The following FSTL5 variants were observed in gnomAD, a reference collection of about 807,000 sequenced individuals.
FSTL5 encodes the protein follistatin-related protein 5.
A neutral mutation model predicts 89.1 loss-of-function variants in FSTL5; 62 were observed. That is an observed-to-expected ratio of 0.70 (90% CI 0.57 to 0.86). FSTL5 has a LOEUF of 0.86. Among genes scored for constraint, FSTL5 ranks in the 40% least tolerant of loss-of-function variants. FSTL5 has a pLI of 0.00. For missense variants in FSTL5, 1,057 were observed against 1,001.6 expected (o/e 1.06, Z -0.75); for synonymous variants, 383 against 346.2 (o/e 1.11, Z -1.18).
intron 6 of FSTL5, among the ~76,000 whole-genome samples, chr4:161,671,738 A>G (rs1737122114): frequency 6.6e-6 from 1 of 152,140 alleles, no homozygotes; most frequent in Non-Finnish European, 1.5e-5. Flanking sequence ...ATGAATTTCT[A>G]CAACTGTAAC....
At chr4:161,536,145 A>G (rs1303779660) in intron 10 of FSTL5, among the ~76,000 whole-genome samples, 1 of 152,144 alleles carries the variant, frequency 6.6e-6, no homozygotes, top group Non-Finnish European at 1.5e-5. Flanking sequence ...TACTATGCTC[A>G]CTACCTGGAT....
chr4:161,962,263 T>C (rs190234301), intron 3 of FSTL5, among the ~76,000 whole-genome samples: 111 of 152,092 alleles, frequency 7.3e-4, no homozygotes, highest in African/African-American at 2.6e-3. Flanking sequence ...ATTAGTAAGA[T>C]TGTCAGTGCT....
At chr4:161,639,621 T>G (rs1367831547) in intron 7 of FSTL5, among the ~76,000 whole-genome samples, 4 of 152,170 alleles carry the variant, frequency 2.6e-5, no homozygotes. Flanking sequence ...GATGGAACTG[T>G]TTTTAAATTC....
intron 2 of FSTL5, among the ~76,000 whole-genome samples, chr4:162,065,913 T>G (rs971638708): frequency 7.2e-5 from 11 of 151,940 alleles, no homozygotes; most frequent in Non-Finnish European, 1.2e-4. Context: ...TAATCCAACT[T>G]TTAAAAAAAG....
intron 4 of FSTL5, among the ~76,000 whole-genome samples, chr4:161,862,071 T>A (rs1309131706): frequency 6.6e-6 from 1 of 152,194 alleles, no homozygotes; most frequent in Non-Finnish European, 1.5e-5. Context: ...TACTTGCAAT[T>A]TAATAAACCG....
At chr4:162,051,947 A>C (rs1020427021) in intron 2 of FSTL5, among the ~76,000 whole-genome samples, 2 of 151,660 alleles carry the variant, frequency 1.3e-5, no homozygotes, top group African/African-American at 4.8e-5. Flanking sequence ...AAAAACAAGA[A>C]GGAAATAGGG....
intron 7 of FSTL5, among the ~76,000 whole-genome samples, chr4:161,602,138 T>C (rs575765198): frequency 3.3e-5 from 5 of 150,714 alleles, no homozygotes; most frequent in African/African-American, 1.2e-4. Context: ...AAAAAAGTGT[T>C]GAAGGACATG....
intron 7 of FSTL5, among the ~76,000 whole-genome samples, chr4:161,638,156 G>A (rs1423264591): frequency 4.6e-5 from 7 of 151,052 alleles, no homozygotes; most frequent in Non-Finnish European, 1.5e-5. Context: ...GTGGTTTGTA[G>A]TTCTCCTTGA....
At chr4:161,681,161 A>G (rs1737505273) in intron 6 of FSTL5, among the ~76,000 whole-genome samples, 1 of 152,076 alleles carries the variant, frequency 6.6e-6, no homozygotes, top group Admixed American at 6.6e-5. Context: ...TGTGATTTGA[A>G]TATAATCTTA....
chr4:161,877,805 G>A (rs1030980579), intron 4 of FSTL5, among the ~76,000 whole-genome samples: 1 of 151,866 alleles, frequency 6.6e-6, no homozygotes, highest in Admixed American at 6.6e-5. Context: ...CAGCCTGGGC[G>A]ACAGAGCGAG....
intron 10 of FSTL5, among the ~76,000 whole-genome samples, chr4:161,522,286 C>T (rs1731061931): frequency 6.6e-6 from 1 of 152,100 alleles, no homozygotes; most frequent in Admixed American, 6.5e-5. Context: ...AGCAGTGTAG[C>T]CAACTGTGGC....
chr4:161,826,524 T>C (rs978786669), intron 4 of FSTL5, among the ~76,000 whole-genome samples: 1 of 152,186 alleles, frequency 6.6e-6, no homozygotes, highest in East Asian at 1.9e-4. Context: ...ATCTATCTCA[T>C]TTCTTATGTC....
intron 10 of FSTL5, 61 bp from the exon 11 acceptor site, chr4:161,510,485 A>G: frequency 1.1e-6 from 1 of 935,874 alleles, no homozygotes; most frequent in Non-Finnish European, 1.6e-6. Flanking sequence ...CTTTTGCTAT[A>G]TGGTAATATA....
intron 3 of FSTL5, among the ~76,000 whole-genome samples, chr4:161,966,084 A>T (rs1578900020): frequency 6.6e-6 from 1 of 152,150 alleles, no homozygotes; most frequent in South Asian, 2.1e-4. Flanking sequence ...TGCCACAAAG[A>T]CAACTTGGCT....
At chr4:161,566,670 C>A (rs1362863530) in intron 8 of FSTL5, among the ~76,000 whole-genome samples, 2 of 152,070 alleles carry the variant, frequency 1.3e-5, no homozygotes, top group African/African-American at 4.8e-5. Context: ...GATGGTATCT[C>A]ATTGTGGTTT....
chr4:162,073,366 G>A (rs1729706118), intron 2 of FSTL5, among the ~76,000 whole-genome samples: 1 of 151,464 alleles, frequency 6.6e-6, no homozygotes, highest in South Asian at 2.1e-4. Context: ...ATTGATATGT[G>A]TCTTACAATA....
intron 15 of FSTL5, among the ~76,000 whole-genome samples, chr4:161,441,433 A>C (rs1312115010): frequency 6.6e-6 from 1 of 152,098 alleles, no homozygotes; most frequent in Non-Finnish European, 1.5e-5. Flanking sequence ...TTTATGCCGA[A>C]ATATCAGCCA....
chr4:161,410,724 A>C (rs547036220), intron 15 of FSTL5, among the ~76,000 whole-genome samples: 1 of 152,238 alleles, frequency 6.6e-6, no homozygotes, highest in South Asian at 2.1e-4. Flanking sequence ...TCACCAAAGG[A>C]GTGTTAAGAG....
intron 7 of FSTL5, among the ~76,000 whole-genome samples, chr4:161,625,158 A>G (rs1188341471): frequency 6.6e-6 from 1 of 152,144 alleles, no homozygotes; most frequent in Non-Finnish European, 1.5e-5. Flanking sequence ...CAGTCAATAA[A>G]TTAACAATGT....
Sources: allele counts gnomAD v4.1 joint callset (sites outside exome capture counted in the v4.1 genomes callset), GRCh38; gene constraint gnomAD v4.1.1; transcripts MANE v1.5; gene names NCBI Gene and HGNC (gene_info 2026-07-23, HGNC 2026-07-21).